The following LRRC56 variants were observed in gnomAD, a reference collection of about 807,000 sequenced individuals.
LRRC56 encodes leucine-rich repeat-containing protein 56.
In LRRC56, 41 loss-of-function variants were observed where a neutral mutation model predicts 47.8. That is an observed-to-expected ratio of 0.86 (90% CI 0.67 to 1.11). The LOEUF (loss-of-function observed/expected upper bound fraction) is 1.11, where lower values mean the gene tolerates loss of function less well. Among genes scored for constraint, LRRC56 ranks in the 50% most tolerant of loss-of-function variants. The pLI is 0.00. For missense variants in LRRC56, 759 were observed against 704.2 expected (o/e 1.08, Z -0.88); for synonymous variants, 387 against 311.2 (o/e 1.24, Z -2.56).
the LRRC56 span, among the ~76,000 whole-genome samples, chr11:508,493 G>T: frequency 3.3e-5 from 5 of 152,262 alleles, no homozygotes; most frequent in African/African-American, 1.2e-4. Flanking sequence ...CTGGCCGGGC[G>T]TGGTGGCTCA....
chr11:540,957 C>T lies in LRRC56; in HGVS notation c.177+96C>T. On this transcript the variant is annotated intron_variant, in intron 4 of 13. Transcript: ENST00000270115. ...TGATGGTCCAGCCTGCCCTCTGTCC[C>T]CCTCCTGCTGGTCTTGCCTGCTGAT... The T allele has an allele frequency of 4.7e-6, 5 of 1,063,154 alleles. No homozygotes were observed. The South Asian group carries it at 8.4e-5, about 18-fold the overall frequency. The allele number at this position is 1,063,154 out of a possible 1,614,324, so 65.9% of individuals were successfully genotyped here.
intron 8 of LRRC56, 97 bp from the exon 9 acceptor site, chr11:551,034 C>T: frequency 5.6e-6 from 4 of 716,454 alleles, no homozygotes; most frequent in Non-Finnish European, 6.6e-6. Flanking sequence ...TGCCCTGCCC[C>T]ACGGTGGGTC....
chr11:540,501 G>C (rs1851736666), intron 3 of LRRC56, among the ~76,000 whole-genome samples, 173 bp from the exon 4 acceptor site: 2 of 151,884 alleles, frequency 1.3e-5, no homozygotes, highest in South Asian at 4.2e-4. Flanking sequence ...AGCAGACAAG[G>C]GCCCCATGAG....
the LRRC56 span, among the ~76,000 whole-genome samples, chr11:509,845 AT>A: frequency 7.0e-6 from 1 of 142,504 alleles, no homozygotes; most frequent in Non-Finnish European, 1.5e-5. Context: ...CTTCATTTTT[AT>A]TTTTGAACTT....
chr11:552,683 C>A lies in LRRC56; in HGVS notation c.1296C>A (p.Ser432Arg). ...VHQAEPKTPSSPPSLASEPSG... is the reference protein window; with the variant it reads ...VHQAEPKTPSRPPSLASEPSG... ...AGGCAGAGCCCAAGACTCCCTCCAG[C>A]CCCCCAAGCCTGGCCTCAGGTACTG... The change falls in exon 13 of 14, where the codon AGC becomes AGA. Residue 432 changes from serine to arginine, a missense_variant. Coordinates refer to ENST00000270115, the MANE Select transcript of LRRC56 (RefSeq NM_198075.4). 6.2e-7 allele frequency: 1 copy of A among 1,607,596 alleles called. No homozygotes were observed. The highest frequency in any genetic ancestry group is 8.5e-7 in the Non-Finnish European group (1 of 1,177,092).
upstream of LRRC56, chr11:534,401 A>C: frequency 9.0e-7 from 1 of 1,115,476 alleles, no homozygotes; most frequent in Non-Finnish European, 1.3e-6. Flanking sequence ...CTGCTCAGCC[A>C]GGCCCAGGCC....
chr11:536,932 G>A (rs1300624979), upstream of LRRC56: 6 of 152,230 alleles, frequency 3.9e-5, no homozygotes, highest in South Asian at 2.1e-4. Flanking sequence ...AGCTCGGCTC[G>A]GGGCGGACAC....
intron 5 of LRRC56, among the ~76,000 whole-genome samples, chr11:543,375 C>T (rs1301071753): frequency 2.6e-5 from 4 of 151,154 alleles, no homozygotes; most frequent in African/African-American, 4.9e-5. Context: ...CCACCACGCC[C>T]GAGTAATTTT....
upstream of LRRC56, chr11:534,114 C>G: frequency 8.4e-7 from 1 of 1,191,474 alleles, no homozygotes; most frequent in Non-Finnish European, 1.2e-6. Context: ...GCCACAGCAC[C>G]ATGCAGGGGA....
At chr11:518,755 CGGGCTGCCCACGACG>C in the LRRC56 span, among the ~76,000 whole-genome samples, 5 of 152,148 alleles carry the variant, frequency 3.3e-5, no homozygotes, top group Non-Finnish European at 7.4e-5. Flanking sequence ...GAGCCGGCCC[CGGGCTGCCCACGACG>C]GGGCCGCCGG....
upstream of LRRC56, chr11:534,442 C>A: frequency 1.3e-6 from 1 of 790,638 alleles, no homozygotes; most frequent in Middle Eastern, 3.3e-4. Flanking sequence ...CAGCTGCTGG[C>A]AGGGCCATCT....
chr11:554,423 G>A lies in LRRC56; in HGVS notation c.*147G>A. On this transcript the variant is annotated 3_prime_UTR_variant, in exon 14 of 14. Coordinates refer to ENST00000270115, the MANE Select transcript of LRRC56 (RefSeq NM_198075.4). ...AGGACCCTCTTGGTGGAGGGGAGTG[G>A]GGGACTGGGACCAGCCAGGGAGGCA... 1 of 675,534 alleles carries A rather than the reference G, an allele frequency of 1.5e-6. No individual in the cohort carries two copies. The allele number at this position is 675,534 out of a possible 1,614,324, so 41.8% of individuals were successfully genotyped here. A position where few individuals can be genotyped will look rare whatever the true frequency, so the allele number is the denominator to read the frequency against.
upstream of LRRC56, among the ~76,000 whole-genome samples, chr11:536,064 T>G (rs909995604): frequency 1.3e-5 from 2 of 152,182 alleles, no homozygotes; most frequent in Non-Finnish European, 2.9e-5. Context: ...CCGGCTGCCC[T>G]TCCGCGCAGG....
chr11:548,031 CAGG>C (rs1354514896), intron 6 of LRRC56, among the ~76,000 whole-genome samples: 1 of 151,946 alleles, frequency 6.6e-6, no homozygotes, highest in Non-Finnish European at 1.5e-5. Context: ...GAGGCTGAGG[CAGG>C]AGAATTGCTT....
chr11:522,022 A>T, the LRRC56 span, among the ~76,000 whole-genome samples: 32,780 of 152,060 alleles, frequency 0.22, 3,795 homozygotes, highest in African/African-American at 0.3. Context: ...ATGGAAAAAT[A>T]AAAAAATCTA....
At chr11:512,813 A>G in the LRRC56 span, among the ~76,000 whole-genome samples, 11 of 152,332 alleles carry the variant, frequency 7.2e-5, no homozygotes, top group South Asian at 6.2e-4. Context: ...GATGGAGGGC[A>G]GGCAAGACCC....
chr11:523,230 C>T, the LRRC56 span, among the ~76,000 whole-genome samples: 4 of 151,966 alleles, frequency 2.6e-5, no homozygotes, highest in African/African-American at 9.7e-5. Context: ...AGTTTCACCA[C>T]GTTGGTCATG....
the LRRC56 span, among the ~76,000 whole-genome samples, chr11:526,130 CTG>C: frequency 2.0e-5 from 3 of 151,728 alleles, no homozygotes; most frequent in South Asian, 2.1e-4. Context: ...TCGCTTGAAA[CTG>C]TGAGGCGGAG....
At chr11:521,559 C>G in the LRRC56 span, among the ~76,000 whole-genome samples, 1 of 152,314 alleles carries the variant, frequency 6.6e-6, no homozygotes, top group East Asian at 1.9e-4. Flanking sequence ...TGGCCCACCT[C>G]AACCTCTCAA....
Sources: allele counts gnomAD v4.1 joint callset (sites outside exome capture counted in the v4.1 genomes callset), GRCh38; gene constraint gnomAD v4.1.1; transcripts MANE v1.5; gene names NCBI Gene and HGNC (gene_info 2026-07-23, HGNC 2026-07-21).